The following GDPD4 variants were observed in gnomAD, a reference collection of about 807,000 sequenced individuals.
GDPD4 encodes the protein glycerophosphodiester phosphodiesterase domain containing 4.
A neutral mutation model predicts 67.8 loss-of-function variants in GDPD4; 60 were observed. The observed-to-expected ratio is 0.88, with a 90% CI of 0.72 to 1.10. The LOEUF is 1.10. Ranked by LOEUF, GDPD4 falls within the 50% of genes least tolerant of loss-of-function variation. The pLI is 0.00. For synonymous variants in GDPD4, 212 were observed against 210.9 expected, an observed-to-expected ratio of 1.00 and a Z score of -0.04; for missense variants, 623 against 613.9, an observed-to-expected ratio of 1.01 and a Z score of -0.16.
chr11:77,258,954 CTGAG>C (rs1374316001), intron 10 of GDPD4, among the ~76,000 whole-genome samples: 8 of 152,120 alleles, frequency 5.3e-5, no homozygotes, highest in Admixed American at 4.6e-4. Flanking sequence ...AGGCACTGCA[CTGAG>C]TATTTCTTTT....
At position 77,217,036 on chromosome 11, in the gene GDPD4, G is replaced by A. The variant is rs1326478227; in HGVS notation, c.*241C>T. The A allele has an allele frequency of 1.4e-6, 1 of 703,836 alleles. No homozygotes were observed. Among genetic ancestry groups the A allele is most frequent in the South Asian group, 1.5e-5 (1 of 67,604 alleles). The allele number at this position is 703,836 out of a possible 1,614,324, so 43.6% of individuals were successfully genotyped here. A position where few individuals can be genotyped will look rare whatever the true frequency, so the allele number is the denominator to read the frequency against. On this transcript the variant is annotated 3_prime_UTR_variant, in exon 17 of 17. Transcript: ENST00000315938. ...TAGCCTCACTTGTAGCCTGCCTGGT[G>A]GGTGCTTGGGTGAGTTCAAAGACCA...
chr11:77,276,140 A>G (rs751893057), intron 5 of GDPD4, 21 bp downstream of exon 5: 9 of 1,595,070 alleles, frequency 5.6e-6, no homozygotes, highest in East Asian at 2.2e-5. Flanking sequence ...AAGGTTTCCT[A>G]TGTGGACTCA....
At chr11:77,258,298 T>G in intron 11 of GDPD4, 88 bp downstream of exon 11, 3 of 1,290,098 alleles carry the variant, frequency 2.3e-6, no homozygotes, top group Non-Finnish European at 3.3e-6. Context: ...CTTGCCTATC[T>G]TCATCTATGG....
At chr11:77,271,465 ATG>A (rs924344633) in intron 5 of GDPD4, 72 bp from the exon 6 acceptor site, 1 of 859,464 alleles carries the variant, frequency 1.2e-6, no homozygotes, top group Admixed American at 1.9e-5. Context: ...CAGGAATTAT[ATG>A]TGTGTCTTCA....
At chr11:77,287,922 AAAC>A (rs1750748532) in intron 1 of GDPD4, among the ~76,000 whole-genome samples, 1 of 152,236 alleles carries the variant, frequency 6.6e-6, no homozygotes, top group Admixed American at 6.5e-5. Context: ...GGAATCTTCA[AAAC>A]AACAATGGCT....
intron 13 of GDPD4, among the ~76,000 whole-genome samples, chr11:77,235,759 AG>A (rs1173248649): frequency 6.6e-6 from 1 of 152,188 alleles, no homozygotes; most frequent in Non-Finnish European, 1.5e-5. Context: ...GTTTGAGACC[AG>A]CCTGGCAACA....
At chr11:77,270,458 C>T (rs1264718569) in intron 7 of GDPD4, among the ~76,000 whole-genome samples, 1 of 152,218 alleles carries the variant, frequency 6.6e-6, no homozygotes, top group Non-Finnish European at 1.5e-5. Flanking sequence ...TGGCTCACGC[C>T]TGTAATCCCA....
chr11:77,232,815 A>G (rs758929252), intron 14 of GDPD4, among the ~76,000 whole-genome samples: 41 of 152,384 alleles, frequency 2.7e-4, no homozygotes, highest in Non-Finnish European at 5.1e-4. Flanking sequence ...GTAAGGATTC[A>G]ATAAATGTCA....
intron 10 of GDPD4, among the ~76,000 whole-genome samples, chr11:77,262,727 G>A (rs186456012): frequency 8.6e-5 from 13 of 151,850 alleles, no homozygotes; most frequent in South Asian, 2.1e-4. Flanking sequence ...ACCAATCAAC[G>A]ATCTGCACAC....
Position 77,269,892 on chromosome 11 carries a change from T to G in GDPD4, c.469A>C (p.Arg157=), listed in dbSNP as rs1174079289. 40 of 1,571,120 alleles carry G rather than the reference T, an allele frequency of 2.5e-5. No homozygotes were observed. The highest frequency in any genetic ancestry group is 3.3e-5 in the Non-Finnish European group (38 of 1,143,802). The change falls in exon 8 of 17, where the codon AGG becomes CGG. Residue 157 remains arginine (R), a synonymous_variant. Coordinates refer to ENST00000315938, the MANE Select transcript of GDPD4 (RefSeq NM_182833.3). The stretch of plus-strand genomic sequence containing the variant: ...AGTCTCCAGCTCTAACCTCTTAACC[T>G]TGTGATTACATTACATTGCTTGAGT... ...KRLKQCNVIT[R]LRGLQVPVGL... is the part of the protein sequence containing the mutation.
At position 77,227,877 on chromosome 11, in the gene GDPD4, G is replaced by A; in HGVS notation, c.1512C>T (p.Ser504=). ...ETEKEKLFET[S]STRTDTQSGS... ...CTCTGACTTTACCTGTGCGAGTGCT[G>A]GAGGTTTCAAACAATTTTTCTTTTT... Residue 504 remains serine (S), a synonymous_variant, in exon 16 of 17, where the codon TCC becomes TCT. Transcript: ENST00000315938. 6.2e-7 allele frequency: 1 copy of A among 1,613,308 alleles called. No homozygotes were observed. The highest frequency in any genetic ancestry group is 8.5e-7 in the Non-Finnish European group (1 of 1,179,324).
At chr11:77,265,084 C>A (rs990126189) in intron 10 of GDPD4, among the ~76,000 whole-genome samples, 2 of 152,114 alleles carry the variant, frequency 1.3e-5, no homozygotes, top group African/African-American at 2.4e-5. Flanking sequence ...TGCCCCCGCA[C>A]ACCCCTATTC....
intron 1 of GDPD4, among the ~76,000 whole-genome samples, chr11:77,299,200 C>T (rs1938080897): frequency 6.6e-6 from 1 of 152,162 alleles, no homozygotes; most frequent in Non-Finnish European, 1.5e-5. Context: ...TCTCACCAGC[C>T]CCATAGAATA....
chr11:77,296,971 T>C (rs1229225265), intron 1 of GDPD4, among the ~76,000 whole-genome samples: 4 of 149,876 alleles, frequency 2.7e-5, no homozygotes, highest in African/African-American at 9.8e-5. Context: ...GAAGAATCGC[T>C]TGAACCCAGG....
intron 3 of GDPD4, among the ~76,000 whole-genome samples, chr11:77,280,591 C>T (rs1959714360): frequency 6.6e-6 from 1 of 152,174 alleles, no homozygotes; most frequent in Non-Finnish European, 1.5e-5. Context: ...TTACTGGTCA[C>T]ATTGATATTT....
chr11:77,221,196 A>G (rs986719588), intron 16 of GDPD4, among the ~76,000 whole-genome samples: 1 of 151,920 alleles, frequency 6.6e-6, no homozygotes, highest in African/African-American at 2.4e-5. Flanking sequence ...CAGCTCCTGG[A>G]TTGATTTTTT....
chr11:77,282,475 G>A (rs936978324), intron 3 of GDPD4, among the ~76,000 whole-genome samples: 4 of 86 alleles, frequency 0.047, no homozygotes, highest in South Asian at 0.5. Flanking sequence ...GCAACATGGC[G>A]AAACCTGTCT....
At chr11:77,291,085 A>G (rs1400948627) in intron 1 of GDPD4, among the ~76,000 whole-genome samples, 2 of 152,262 alleles carry the variant, frequency 1.3e-5, no homozygotes, top group African/African-American at 4.8e-5. Flanking sequence ...TTATTGCAGG[A>G]CTACGCACAA....
chr11:77,222,987 T>C (rs938278311), intron 16 of GDPD4, among the ~76,000 whole-genome samples: 7 of 152,230 alleles, frequency 4.6e-5, no homozygotes, highest in African/African-American at 1.7e-4. Context: ...CAATCACTGA[T>C]ACCCTTTCTT....
Sources: allele counts gnomAD v4.1 joint callset (sites outside exome capture counted in the v4.1 genomes callset), GRCh38; gene constraint gnomAD v4.1.1; transcripts MANE v1.5; gene names NCBI Gene and HGNC (gene_info 2026-07-23, HGNC 2026-07-21).